Variants in TDRD12 observed in about 807,000 individuals in gnomAD.
TDRD12 encodes the protein tudor domain containing 12, also known as putative ATP-dependent RNA helicase TDRD12.
In TDRD12, 158 loss-of-function variants were observed where a neutral mutation model predicts 133.5. That is an observed-to-expected ratio of 1.18 (90% CI 1.04 to 1.35). The LOEUF is 1.35. Among genes scored for constraint, TDRD12 ranks in the 40% most tolerant of loss-of-function variants. The pLI is 0.00. For missense variants in TDRD12, 1,443 were observed against 1,321.3 expected, an observed-to-expected ratio of 1.09 and a Z score of -1.43; for synonymous variants, 460 against 477.9, an observed-to-expected ratio of 0.96 and a Z score of 0.49.
At chr19:32,729,331 C>T (rs1296060783) in intron 1 of TDRD12, among the ~76,000 whole-genome samples, 2 of 150,306 alleles carry the variant, frequency 1.3e-5, no homozygotes, top group African/African-American at 4.9e-5. Flanking sequence ...CATTCTCCTG[C>T]CTCAGCCTCC....
chr19:32,749,869 A>T, exon 6 of TDRD12: 1 of 1,507,780 alleles, frequency 6.6e-7, no homozygotes. Context: ...AAGATGAAAA[A>T]GTAAGTGAAA....
chr19:32,820,425 G>A (rs555976936), intron 27 of TDRD12, among the ~76,000 whole-genome samples: 1 of 152,172 alleles, frequency 6.6e-6, no homozygotes, highest in South Asian at 2.1e-4. Flanking sequence ...TTAAAATACT[G>A]AACCACATGA....
chr19:32,743,442 C>G (rs1316080171), intron 4 of TDRD12, among the ~76,000 whole-genome samples: 1 of 148,730 alleles, frequency 6.7e-6, no homozygotes, highest in Non-Finnish European at 1.5e-5. Flanking sequence ...GAGATAGGGT[C>G]TCACTATCTT....
chr19:32,723,712 A>G (rs1023440163), intron 1 of TDRD12, among the ~76,000 whole-genome samples: 2 of 150,666 alleles, frequency 1.3e-5, no homozygotes, highest in Non-Finnish European at 2.9e-5. Flanking sequence ...GTATTTATAG[A>G]TGGGTTCAGA....
Position 32,794,193 on chromosome 19 carries a change from C to T in TDRD12, c.1288-435C>T, listed in dbSNP as rs1971155465. ...CAGTCTTGGCTTACCGCATCCTCTG[C>T]CTCCTGTGTTCAAGTGATTCTCCTG... On this transcript the variant is annotated intron_variant, in intron 13 of 27. Coordinates refer to ENST00000444215, the Ensembl canonical transcript of TDRD12. 2.8e-5 allele frequency among the ~76,000 whole-genome samples: 4 copies of T among 143,988 alleles called. No individual in the cohort carries two copies. The South Asian group carries it at 8.8e-4, about 32-fold the overall frequency. The allele number at this position is 143,988 out of a possible 152,430, so 94.5% of individuals were successfully genotyped here.
intron 8 of TDRD12, among the ~76,000 whole-genome samples, chr19:32,757,500 G>A (rs1970030126): frequency 6.6e-6 from 1 of 152,190 alleles, no homozygotes; most frequent in South Asian, 2.1e-4. Flanking sequence ...GCAGAAATAC[G>A]TAGTTTTAAA....
At chr19:32,821,472 C>T (rs185100852), downstream of TDRD12, among the ~76,000 whole-genome samples, 181 of 152,018 alleles carry the variant, frequency 1.2e-3, no homozygotes, top group Middle Eastern at 3.4e-3. Context: ...GTCTCCTGTC[C>T]GGAACCCTCC....
chr19:32,811,225 A>C, exon 24 of TDRD12: 1 of 1,536,044 alleles, frequency 6.5e-7, no homozygotes, highest in South Asian at 1.2e-5. Context: ...AGGTGTTGGA[A>C]GTGAACCAAA....
At chr19:32,787,198 C>T (rs1970933030) in intron 11 of TDRD12, among the ~76,000 whole-genome samples, 1 of 152,144 alleles carries the variant, frequency 6.6e-6, no homozygotes, top group Admixed American at 6.5e-5. Flanking sequence ...AGCTGCAGCT[C>T]TGTTGGAGTT....
intron 1 of TDRD12, among the ~76,000 whole-genome samples, chr19:32,729,784 T>C (rs1215561357): frequency 4.3e-5 from 5 of 115,054 alleles, no homozygotes; most frequent in Non-Finnish European, 8.9e-5. Flanking sequence ...TTTTCTTTTT[T>C]TTTTTTTTTT....
chr19:32,790,587 A>T (rs1271814701), exon 12 of TDRD12: 1 of 1,551,992 alleles, frequency 6.4e-7, no homozygotes, highest in Admixed American at 2.0e-5. Context: ...TCTGATCTCC[A>T]GCAGGTATTA....
chr19:32,729,919 T>C (rs1199664228), intron 1 of TDRD12, among the ~76,000 whole-genome samples: 1 of 150,368 alleles, frequency 6.7e-6, no homozygotes, highest in Non-Finnish European at 1.5e-5. Context: ...GCCTCCCGAG[T>C]AGCTGGGACT....
chr19:32,781,970 C>CTTCT (rs1555772138), intron 11 of TDRD12, among the ~76,000 whole-genome samples: 21 of 149,042 alleles, frequency 1.4e-4, no homozygotes, highest in African/African-American at 2.9e-4. Flanking sequence ...ATATATTTTT[C>CTTCT]TTTTTTTTTT....
At chr19:32,812,901 G>C (rs950376679) in intron 24 of TDRD12, among the ~76,000 whole-genome samples, 1 of 152,148 alleles carries the variant, frequency 6.6e-6, no homozygotes, top group African/African-American at 2.4e-5. Context: ...GCCAGGCATG[G>C]TGGCTCACAC....
At chr19:32,740,159 ACT>A (rs1969373422) in intron 3 of TDRD12, among the ~76,000 whole-genome samples, 2 of 49,240 alleles carry the variant, frequency 4.1e-5, no homozygotes, top group Admixed American at 2.4e-4. Flanking sequence ...TCTCCTGGGT[ACT>A]CTCTGCATCT....
intron 21 of TDRD12, among the ~76,000 whole-genome samples, chr19:32,805,672 A>G (rs1971526178): frequency 6.6e-6 from 1 of 151,418 alleles, no homozygotes; most frequent in Admixed American, 6.6e-5. Context: ...GTCCTCATCA[A>G]GGTTGTTTGG....
At chr19:32,815,762 A>C in intron 26 of TDRD12, 142 bp downstream of exon 26, 1 of 761,068 alleles carries the variant, frequency 1.3e-6, no homozygotes, top group Middle Eastern at 2.7e-4. Flanking sequence ...TTGGGAGGCC[A>C]AGGTGGGCGG....
At chr19:32,790,640 T>G (rs1371244701) in intron 12 of TDRD12, 49 bp downstream of exon 12, 2 of 1,551,552 alleles carry the variant, frequency 1.3e-6, no homozygotes, top group South Asian at 2.4e-5. Flanking sequence ...AAAAAACTGT[T>G]TATTCTTTAA....
At chr19:32,734,972 T>C (rs759927062) in intron 2 of TDRD12, among the ~76,000 whole-genome samples, 36 of 152,336 alleles carry the variant, frequency 2.4e-4, no homozygotes, top group African/African-American at 7.7e-4. Flanking sequence ...GTGAATTTTA[T>C]CAATAAATGT....
Sources: allele counts gnomAD v4.1 joint callset (sites outside exome capture counted in the v4.1 genomes callset), GRCh38; gene constraint gnomAD v4.1.1; transcripts MANE v1.5; gene names NCBI Gene and HGNC (gene_info 2026-07-23, HGNC 2026-07-21).